ATP8B4: variants seen among roughly 807,000 people sequenced by gnomAD.
ATP8B4 encodes ATPase phospholipid transporting 8B4 (putative), also known as probable phospholipid-transporting ATPase IM.
ATP8B4 carries 133 observed loss-of-function variants against 145.6 expected under a neutral mutation model. The observed-to-expected ratio is 0.91, with a 90% confidence interval of 0.79 to 1.05. ATP8B4 has a LOEUF of 1.05. Among genes scored for constraint, ATP8B4 ranks in the 50% least tolerant of loss-of-function variants. The pLI, the probability that ATP8B4 is intolerant of heterozygous loss-of-function variation, is 0.00. For synonymous variants in ATP8B4, 507 were observed against 492.9 expected (o/e 1.03, Z -0.38); for missense variants, 1,458 against 1,425.2 (o/e 1.02, Z -0.37).
At chr15:49,989,999 T>C (rs1041800993) in intron 9 of ATP8B4, among the ~76,000 whole-genome samples, 3 of 152,054 alleles carry the variant, frequency 2.0e-5, no homozygotes, top group Non-Finnish European at 2.9e-5. Context: ...AGAGATGAGA[T>C]GGATATTAGA....
chr15:49,895,523 A>G (rs1392322098), intron 23 of ATP8B4: 2 of 152,264 alleles, frequency 1.3e-5, no homozygotes, highest in South Asian at 4.1e-4. Flanking sequence ...AGGGAAAGGA[A>G]GGGACACAGA....
intron 2 of ATP8B4, among the ~76,000 whole-genome samples, chr15:50,101,417 A>T (rs1027942249): frequency 6.6e-6 from 1 of 152,082 alleles, no homozygotes; most frequent in Non-Finnish European, 1.5e-5. Context: ...GCACATGGAC[A>T]ACAAAAGCAA....
In ATP8B4 at chr15:49,963,495, A is replaced by G. The variant is rs143250023; in HGVS notation, c.1244-1475T>C. On this transcript the variant is annotated intron_variant, in intron 13 of 27. Transcript: ENST00000284509. ...TGCAACACTAATCACAATAGAAAAG[A>G]CACGGAATTAGCCTAATGCCCATCA... Among the ~76,000 whole-genome samples the G allele has an allele frequency of 5.6e-3, 848 of 152,330 alleles. 11 individuals carry two copies. Among genetic ancestry groups the G allele is most frequent in the African/African-American group, 0.02 (815 of 41,570 alleles).
intron 14 of ATP8B4, among the ~76,000 whole-genome samples, chr15:49,937,068 GGTTCT>G (rs989545896): frequency 8.6e-5 from 13 of 151,850 alleles, no homozygotes; most frequent in Non-Finnish European, 1.5e-4. Context: ...ACTGTTGGTG[GGTTCT>G]GTTCTATTTT....
At chr15:49,893,995 C>G (rs762045131) in intron 23 of ATP8B4, among the ~76,000 whole-genome samples, 3 of 152,174 alleles carry the variant, frequency 2.0e-5, no homozygotes, top group Admixed American at 6.5e-5. Context: ...TACAAAGAAG[C>G]TGACCCCACA....
intron 1 of ATP8B4, among the ~76,000 whole-genome samples, chr15:50,151,762 A>G (rs971092875): frequency 1.2e-4 from 16 of 133,264 alleles, no homozygotes; most frequent in African/African-American, 1.6e-4. Context: ...AAAAAAAAAA[A>G]AGAGAGAGGT....
intron 14 of ATP8B4, among the ~76,000 whole-genome samples, chr15:49,951,420 T>G (rs1391905460): frequency 6.6e-5 from 10 of 152,236 alleles, no homozygotes; most frequent in Non-Finnish European, 1.3e-4. Context: ...TAACTCTTCT[T>G]GTTGAATTGT....
chr15:50,157,565 T>A (rs1215706679), intron 1 of ATP8B4, among the ~76,000 whole-genome samples: 1 of 152,198 alleles, frequency 6.6e-6, no homozygotes, highest in Non-Finnish European at 1.5e-5. Flanking sequence ...CCAGGTTTGT[T>A]GTTGTTTGTT....
chr15:49,999,905 T>G (rs1247948104), intron 8 of ATP8B4, among the ~76,000 whole-genome samples: 2 of 152,184 alleles, frequency 1.3e-5, no homozygotes, highest in Non-Finnish European at 2.9e-5. Flanking sequence ...TTTCCATGAT[T>G]TTGCCTTTTC....
intron 4 of ATP8B4, among the ~76,000 whole-genome samples, chr15:50,046,010 A>C (rs1392837511): frequency 1.3e-5 from 2 of 152,230 alleles, no homozygotes; most frequent in Non-Finnish European, 2.9e-5. Context: ...ATCAGCACCC[A>C]GTTCTTCTCA....
chr15:49,876,167 C>T (rs1356210460), intron 25 of ATP8B4, 111 bp downstream of exon 25: 6 of 1,392,902 alleles, frequency 4.3e-6, no homozygotes, highest in Non-Finnish European at 5.8e-6. Context: ...AGGACAGCCC[C>T]AGTATTCCTT....
chr15:49,987,551 T>C lies in ATP8B4; in HGVS notation c.590-2A>G, dbSNP rs1293985483. On this transcript the variant is annotated splice_acceptor_variant, in intron 9 of 27. Transcript: ENST00000284509. LOFTEE classifies it high-confidence loss of function. ...TAGGCACCTCACAGACAACAATCCC[T>C]GGAAAATAAAAAAACAAAACAAACC... 3 of 1,609,982 alleles carry C rather than the reference T, an allele frequency of 1.9e-6. No individual in the cohort carries two copies. The highest frequency in any genetic ancestry group is 4.5e-5 in the East Asian group (2 of 44,788).
intron 1 of ATP8B4, among the ~76,000 whole-genome samples, chr15:50,127,104 C>A (rs973327786): frequency 6.6e-6 from 1 of 152,156 alleles, no homozygotes; most frequent in Non-Finnish European, 1.5e-5. Flanking sequence ...AACCTGTGGA[C>A]CCCCACTTCA....
chr15:50,124,528 T>C (rs1411670823), intron 1 of ATP8B4, among the ~76,000 whole-genome samples: 1 of 152,102 alleles, frequency 6.6e-6, no homozygotes, highest in African/African-American at 2.4e-5. Flanking sequence ...TTTTCTACTC[T>C]ACTAATAAAA....
At position 50,093,764 on chromosome 15, in the gene ATP8B4, AT is replaced by A. The variant is rs575742867; in HGVS notation, c.28+13174del. Among the ~76,000 whole-genome samples, 73 of 152,238 alleles carry A rather than the reference AT, an allele frequency of 4.8e-4. 1 individual carries two copies. The highest frequency in any genetic ancestry group is 2.9e-3 in the South Asian group (14 of 4,824). On this transcript the variant is annotated intron_variant, in intron 2 of 27. Coordinates refer to ENST00000284509, the MANE Select transcript of ATP8B4 (RefSeq NM_024837.4). Reference sequence around the variant, plus strand: ...TATATGCAGCATCTTAAATAAAAAAATATTAAAGAATTTAAAGTAAAAAAAT... The same window carrying A: ...TATATGCAGCATCTTAAATAAAAAAAATTAAAGAATTTAAAGTAAAAAAAT...
intron 3 of ATP8B4, among the ~76,000 whole-genome samples, chr15:50,058,107 G>A (rs1172253228): frequency 6.6e-6 from 1 of 152,162 alleles, no homozygotes; most frequent in Admixed American, 6.5e-5. Flanking sequence ...ATTTCAGTGG[G>A]ACTTTCCTGG....
chr15:50,169,362 G>A (rs189388458), intron 1 of ATP8B4, among the ~76,000 whole-genome samples: 1 of 152,324 alleles, frequency 6.6e-6, no homozygotes, highest in East Asian at 1.9e-4. Flanking sequence ...AGGACTCTGT[G>A]TGGACAACCA....
intron 25 of ATP8B4, among the ~76,000 whole-genome samples, chr15:49,867,825 A>G (rs577540060): frequency 7.2e-5 from 11 of 152,374 alleles, no homozygotes; most frequent in African/African-American, 2.6e-4. Context: ...AAAACACACT[A>G]TTCCTGAATT....
intron 23 of ATP8B4, among the ~76,000 whole-genome samples, chr15:49,889,203 G>A (rs2036534602): frequency 6.6e-6 from 1 of 152,150 alleles, no homozygotes; most frequent in South Asian, 2.1e-4. Flanking sequence ...GAGCGCTGAA[G>A]TGGGAGCCAG....
Sources: gnomAD v4.1 joint callset for allele counts (sites outside exome capture counted in the v4.1 genomes callset) on GRCh38, gnomAD v4.1.1 for gene constraint, MANE v1.5 for transcripts, NCBI Gene and HGNC (gene_info 2026-07-23, HGNC 2026-07-21) for gene names.